PACRG: variants seen among roughly 807,000 people sequenced by gnomAD.
The protein encoded by PACRG is parkin coregulated, also known as parkin coregulated gene protein.
PACRG carries 29 observed loss-of-function variants against 29.7 expected under a neutral mutation model. The ratio of observed to expected loss-of-function variants is 0.98; its 90% CI spans 0.73 to 1.33. The LOEUF (loss-of-function observed/expected upper bound fraction) is 1.33. Ranked by LOEUF, PACRG falls within the 40% of genes most tolerant of loss-of-function variation. The pLI, the probability that PACRG is intolerant of heterozygous loss-of-function variation, is 0.00. For synonymous variants in PACRG, 116 were observed against 118.7 expected, an observed-to-expected ratio of 0.98 and a Z score of 0.15; for missense variants, 279 against 316.2, an observed-to-expected ratio of 0.88 and a Z score of 0.89.
intron 1 of PACRG, among the ~76,000 whole-genome samples, chr6:162,778,805 C>T (rs912265892): frequency 3.9e-5 from 6 of 152,238 alleles, no homozygotes; most frequent in Non-Finnish European, 8.8e-5. Context: ...CAAGCCTGGG[C>T]CTGTGTGGCG....
intron 4 of PACRG, among the ~76,000 whole-genome samples, chr6:163,220,909 A>T (rs1198293519): frequency 6.6e-6 from 1 of 152,206 alleles, no homozygotes; most frequent in Non-Finnish European, 1.5e-5. Context: ...CATTTGGGAA[A>T]GGAAGACCTA....
At chr6:162,971,663 A>G (rs1322139400) in intron 2 of PACRG, among the ~76,000 whole-genome samples, 1 of 152,252 alleles carries the variant, frequency 6.6e-6, no homozygotes, top group African/African-American at 2.4e-5. Flanking sequence ...TCAAAAGGAA[A>G]GCAACCTGTC....
chr6:163,143,172 C>G (rs973730221), intron 4 of PACRG, among the ~76,000 whole-genome samples: 3 of 152,104 alleles, frequency 2.0e-5, no homozygotes, highest in Non-Finnish European at 4.4e-5. Flanking sequence ...TCTGTACTAT[C>G]TTTGCAACTC....
At chr6:162,838,029 G>A (rs1789387127) in intron 2 of PACRG, among the ~76,000 whole-genome samples, 1 of 152,072 alleles carries the variant, frequency 6.6e-6, no homozygotes, top group African/African-American at 2.4e-5. Flanking sequence ...ATGTAGGCAA[G>A]GAGGAAAAAA....
chr6:163,179,634 T>C (rs557540264), intron 4 of PACRG, among the ~76,000 whole-genome samples: 5 of 151,134 alleles, frequency 3.3e-5, no homozygotes, highest in Admixed American at 6.6e-5. Flanking sequence ...TATCTGAGCC[T>C]GGCAGTTTGA....
At chr6:162,776,827 A>G (rs1437029285) in intron 1 of PACRG, among the ~76,000 whole-genome samples, 1 of 152,170 alleles carries the variant, frequency 6.6e-6, no homozygotes, top group Non-Finnish European at 1.5e-5. Flanking sequence ...GTACTCAGGT[A>G]AAAATATTTG....
chr6:163,258,582 C>T (rs1455369717), intron 4 of PACRG, among the ~76,000 whole-genome samples: 1 of 151,910 alleles, frequency 6.6e-6, no homozygotes, highest in Admixed American at 6.6e-5. Flanking sequence ...ACGGTGAAAC[C>T]CTGTCTCTAC....
chr6:163,312,527 C>A (rs1299593758), intron 4 of PACRG, among the ~76,000 whole-genome samples: 1 of 93,102 alleles, frequency 1.1e-5, no homozygotes, highest in African/African-American at 3.1e-5. Flanking sequence ...AGCGGAGCCA[C>A]CGGGCTTCAT....
At chr6:163,250,376 T>A (rs1782855226) in intron 4 of PACRG, among the ~76,000 whole-genome samples, 3 of 152,256 alleles carry the variant, frequency 2.0e-5, no homozygotes, top group Non-Finnish European at 4.4e-5. Context: ...GCTGAAATGC[T>A]CGGGGGCCCC....
chr6:162,869,015 A>G (rs1211324554), intron 2 of PACRG, among the ~76,000 whole-genome samples: 1 of 152,182 alleles, frequency 6.6e-6, no homozygotes, highest in East Asian at 1.9e-4. Flanking sequence ...GGACGATGAC[A>G]TGTGCATCCT....
At chr6:162,934,024 G>A (rs1327896346) in intron 2 of PACRG, among the ~76,000 whole-genome samples, 4 of 152,196 alleles carry the variant, frequency 2.6e-5, no homozygotes, top group African/African-American at 9.6e-5. Context: ...AGCAGTTTGG[G>A]AGGCTGAGGT....
intron 4 of PACRG, among the ~76,000 whole-genome samples, chr6:163,273,900 A>G (rs965244780): frequency 6.6e-6 from 1 of 152,088 alleles, no homozygotes; most frequent in Non-Finnish European, 1.5e-5. Context: ...AGTTAGTTTA[A>G]TTCCTTTTAA....
chr6:162,834,997 A>G (rs1298219403), intron 2 of PACRG, among the ~76,000 whole-genome samples: 2 of 152,078 alleles, frequency 1.3e-5, no homozygotes. Context: ...GCTTACTTAC[A>G]TTTTTATTAT....
chr6:163,018,834 A>G (rs111300259), intron 2 of PACRG, among the ~76,000 whole-genome samples: 3,049 of 152,168 alleles, frequency 0.02, 108 homozygotes, highest in African/African-American at 0.067. Flanking sequence ...GGCTATATGC[A>G]TGTTGAGTCT....
chr6:163,121,788 G>A (rs1816285829), intron 4 of PACRG, among the ~76,000 whole-genome samples: 3 of 149,434 alleles, frequency 2.0e-5, no homozygotes, highest in South Asian at 2.1e-4. Flanking sequence ...TCAGCCTCCC[G>A]AGTAGCTGGG....
intron 4 of PACRG, among the ~76,000 whole-genome samples, chr6:163,303,124 C>T (rs184470473): frequency 1.4e-4 from 22 of 152,132 alleles, no homozygotes; most frequent in South Asian, 2.1e-4. Context: ...TAAGTCGAGA[C>T]GTTCGAGATC....
At chr6:162,758,287 A>T (rs1396561098) in intron 1 of PACRG, among the ~76,000 whole-genome samples, 1 of 152,056 alleles carries the variant, frequency 6.6e-6, no homozygotes, top group East Asian at 1.9e-4. Flanking sequence ...CAAGCTCTAG[A>T]CTCTAGTGAT....
At chr6:163,245,245 G>A (rs967984288) in intron 4 of PACRG, 11 of 227,104 alleles carry the variant, frequency 4.8e-5, no homozygotes, top group East Asian at 2.3e-4. Flanking sequence ...GTCTACTTTC[G>A]CGGCACTTTT....
At chr6:162,906,694 C>T (rs951968196) in intron 2 of PACRG, among the ~76,000 whole-genome samples, 1 of 152,154 alleles carries the variant, frequency 6.6e-6, no homozygotes, top group African/African-American at 2.4e-5. Context: ...TCTCAAAAGA[C>T]GTTACAAGTA....
Sources: allele counts gnomAD v4.1 joint callset (sites outside exome capture counted in the v4.1 genomes callset), GRCh38; gene constraint gnomAD v4.1.1; transcripts MANE v1.5; gene names NCBI Gene and HGNC (gene_info 2026-07-23, HGNC 2026-07-21).